The following PTAFR variants were observed in gnomAD, a reference collection of about 807,000 sequenced individuals.
The protein encoded by PTAFR is platelet-activating factor receptor.
PTAFR carries 8 observed loss-of-function variants against 14.7 expected under a neutral mutation model. The ratio of observed to expected loss-of-function variants is 0.54; its 90% CI spans 0.32 to 0.98. PTAFR has a LOEUF of 0.98. Ranked by LOEUF, PTAFR falls within the 50% of genes least tolerant of loss-of-function variation. The pLI is 0.04. For missense variants in PTAFR, 337 were observed against 451.2 expected (o/e 0.75, Z 2.29); for synonymous variants, 156 against 176.5 (o/e 0.88, Z 0.92).
At chr1:28,167,191 G>C (rs1434636968) in intron 1 of PTAFR, among the ~76,000 whole-genome samples, 2 of 152,110 alleles carry the variant, frequency 1.3e-5, no homozygotes, top group Non-Finnish European at 2.9e-5. Flanking sequence ...TGGGAGAAAA[G>C]GCAACCTTTC....
rs760061215 is a variant in PTAFR, at chr1:28,149,945, A to G, written c.*48T>C. 6.4e-7 allele frequency: 1 copy of G among 1,562,502 alleles called. No individual in the cohort carries two copies. The highest frequency in any genetic ancestry group is 8.7e-7 in the Non-Finnish European group (1 of 1,150,066). ...TAGATATCCCTTCTTCCCCCAGCTC[A>G]GTCCATGATGTTCATGGAGGAGAAG... On this transcript the variant is annotated 3_prime_UTR_variant, in exon 2 of 2. Coordinates refer to ENST00000373857, the MANE Select transcript of PTAFR (RefSeq NM_000952.5).
chr1:28,150,308 C>T lies in PTAFR; in HGVS notation c.714G>A (p.Leu238=), dbSNP rs779738629. 6.2e-7 allele frequency: 1 copy of T among 1,613,516 alleles called. No homozygotes were observed. The highest frequency in any genetic ancestry group is 8.5e-7 in the Non-Finnish European group (1 of 1,179,584). ...RRALWMVCTV[L]AVFIICFVPH... ...GCACGAAGCAGATGATGAACACCGCCAAGACCGTGCACACCATCCACAGCG... is the reference window on the plus strand; with the variant it reads ...GCACGAAGCAGATGATGAACACCGCTAAGACCGTGCACACCATCCACAGCG... The change falls in exon 2 of 2, where the codon TTG becomes TTA. Residue 238 remains leucine (L), a synonymous_variant. Coordinates refer to ENST00000373857, the MANE Select transcript of PTAFR (RefSeq NM_000952.5). This position sits in a 1 kb window ranked among gnomAD's most constrained non-coding sequence, Gnocchi z 6.3.
intron 1 of PTAFR, among the ~76,000 whole-genome samples, chr1:28,152,372 T>G (rs1332478042): frequency 2.6e-5 from 4 of 151,722 alleles, no homozygotes; most frequent in Non-Finnish European, 5.9e-5. Flanking sequence ...GAGGCCAAGG[T>G]GGGCGGATCG....
At chr1:28,186,498 C>T (rs557240973) in intron 1 of PTAFR, among the ~76,000 whole-genome samples, 1 of 152,054 alleles carries the variant, frequency 6.6e-6, no homozygotes, top group Non-Finnish European at 1.5e-5. Context: ...TCCTAAAATT[C>T]GAAATGAAAA....
chr1:28,182,134 G>A (rs1450682292), intron 1 of PTAFR, among the ~76,000 whole-genome samples: 3 of 152,046 alleles, frequency 2.0e-5, no homozygotes, highest in Admixed American at 2.0e-4. Context: ...TCAGGAGTTC[G>A]AGACCAGCCT....
upstream of PTAFR, among the ~76,000 whole-genome samples, chr1:28,181,672 G>A (rs1646563757): frequency 6.6e-6 from 1 of 152,042 alleles, no homozygotes; most frequent in African/African-American, 2.4e-5. Flanking sequence ...AACCTGGGAG[G>A]CGGAGGTTGC....
upstream of PTAFR, among the ~76,000 whole-genome samples, chr1:28,179,195 C>T (rs1307549452): frequency 6.6e-6 from 1 of 152,132 alleles, no homozygotes; most frequent in African/African-American, 2.4e-5. Flanking sequence ...AACAGTTTCA[C>T]CTCAGCCCTC....
chr1:28,160,640 C>T (rs1328522944), intron 1 of PTAFR, among the ~76,000 whole-genome samples: 1 of 146,134 alleles, frequency 6.8e-6, no homozygotes, highest in Non-Finnish European at 1.5e-5. Context: ...AAGTTGGCTT[C>T]CCAGGAACCC....
rs375668025 is a variant in PTAFR, at chr1:28,150,630, C to T, written c.392G>A (p.Arg131His). 1.2e-5 allele frequency: 20 copies of T among 1,614,044 alleles called. No individual in the cohort carries two copies. The highest frequency in any genetic ancestry group is 6.7e-5 in the Admixed American group (4 of 60,000). ...CAAGGACAAAGAGATGCCACGCTTG[C>T]GGGTGTTGGCCTGAGCAGTCTTGAT... ...RPIKTAQANT[R>H]KRGISLSLVI... The change falls in exon 2 of 2, where the codon CGC (arginine) becomes CAC (histidine). Residue 131 changes from arginine to histidine, a missense_variant. Coordinates refer to ENST00000373857, the MANE Select transcript of PTAFR (RefSeq NM_000952.5). This position sits in a 1 kb window ranked among gnomAD's most constrained non-coding sequence, Gnocchi z 6.3.
intron 1 of PTAFR, among the ~76,000 whole-genome samples, chr1:28,175,052 G>A (rs1046573667): frequency 2.0e-5 from 3 of 151,952 alleles, no homozygotes; most frequent in Non-Finnish European, 2.9e-5. Context: ...TCAGCCTCCC[G>A]AGTAGCACCC....
upstream of PTAFR, among the ~76,000 whole-genome samples, chr1:28,178,847 G>A (rs955106650): frequency 7.9e-5 from 12 of 151,870 alleles, no homozygotes; most frequent in South Asian, 8.3e-4. Context: ...CTCACGCACC[G>A]CACACACTCT....
At position 28,150,327 on chromosome 1, in the gene PTAFR, C is replaced by T; in HGVS notation, c.695G>A (p.Trp232Ter). The T allele has an allele frequency of 6.2e-7, 1 of 1,613,928 alleles. No homozygotes were observed. Among genetic ancestry groups the T allele is most frequent in the Non-Finnish European group, 8.5e-7 (1 of 1,179,866 alleles). ...RNAEVKRRAL[W>*]MVCTVLAVFI... ...CACCGCCAAGACCGTGCACACCATC[C>T]ACAGCGCCCGGCGCTTGACTTCAGC... Residue 232 changes from tryptophan to a stop codon, truncating the protein, a stop_gained, in exon 2 of 2, where the codon TGG becomes TAG. Coordinates refer to ENST00000373857, the MANE Select transcript of PTAFR (RefSeq NM_000952.5). LOFTEE classifies it high-confidence loss of function. This position sits in a 1 kb window ranked among gnomAD's most constrained non-coding sequence, Gnocchi z 6.3.
Position 28,173,673 on chromosome 1 carries a change from G to C in PTAFR, c.-39+2919C>G, listed in dbSNP as rs572898454. Among the ~76,000 whole-genome samples the C allele has an allele frequency of 4.4e-3, 661 of 150,840 alleles. 8 individuals carry two copies. The highest frequency in any genetic ancestry group is 0.015 in the African/African-American group (635 of 41,140). On this transcript the variant is annotated intron_variant, in intron 1 of 1. Coordinates refer to ENST00000373857, the MANE Select transcript of PTAFR (RefSeq NM_000952.5). ...CTCAAAAGAAAAAAAAAAAGAGGAG[G>C]GGGGGCGGGGTATGCACAAATTTGG...
At chr1:28,151,182 T>G in intron 1 of PTAFR, 123 bp from the exon 2 acceptor site, 1 of 606,854 alleles carries the variant, frequency 1.6e-6, no homozygotes, top group South Asian at 2.5e-5. Flanking sequence ...TCATGTTGAA[T>G]CTTTTTTTTT....
chr1:28,172,875 A>C (rs1572042538), intron 1 of PTAFR, among the ~76,000 whole-genome samples: 1 of 152,184 alleles, frequency 6.6e-6, no homozygotes, highest in African/African-American at 2.4e-5. Flanking sequence ...CTTATCTCAA[A>C]GCATTGTTGT....
intron 1 of PTAFR, among the ~76,000 whole-genome samples, chr1:28,158,172 G>A (rs1039719654): frequency 6.6e-6 from 1 of 152,174 alleles, no homozygotes; most frequent in Admixed American, 6.5e-5. Flanking sequence ...GGATGTATCA[G>A]GTGTAACGCG....
chr1:28,184,742 C>T (rs1434201283), intron 1 of PTAFR, among the ~76,000 whole-genome samples: 1 of 152,136 alleles, frequency 6.6e-6, no homozygotes, highest in Non-Finnish European at 1.5e-5. Context: ...TGAGTTCCAG[C>T]GATTCTCCTT....
At chr1:28,183,196 C>T (rs910656806) in intron 1 of PTAFR, among the ~76,000 whole-genome samples, 1 of 152,046 alleles carries the variant, frequency 6.6e-6, no homozygotes, top group South Asian at 2.1e-4. Context: ...AGTGCTGTAT[C>T]TCATTCAATG....
At chr1:28,171,495 G>A (rs1014000688) in intron 1 of PTAFR, among the ~76,000 whole-genome samples, 10 of 152,148 alleles carry the variant, frequency 6.6e-5, no homozygotes, top group Admixed American at 5.9e-4. Context: ...ACCCTCTAAT[G>A]TTACCTCTCA....
Sources: allele counts gnomAD v4.1 joint callset (sites outside exome capture counted in the v4.1 genomes callset), GRCh38; gene constraint gnomAD v4.1.1; non-coding constraint Gnocchi (gnomAD v3.1); transcripts MANE v1.5; gene names NCBI Gene and HGNC (gene_info 2026-07-23, HGNC 2026-07-21).